Variants in TJP2 observed in about 807,000 individuals in gnomAD.
TJP2 encodes Friedreich ataxia region gene X104 (tight junction protein ZO-2).
In TJP2, 91 loss-of-function variants were observed where a neutral mutation model predicts 133.1. The observed-to-expected ratio is 0.68, with a 90% confidence interval of 0.58 to 0.81. The LOEUF (loss-of-function observed/expected upper bound fraction) is 0.81. Ranked by LOEUF, TJP2 falls within the 40% of genes least tolerant of loss-of-function variation. The probability of loss-of-function intolerance (pLI) is 0.00; values close to 1 mark genes in which losing one functional copy is unlikely to be tolerated. For synonymous variants in TJP2, 592 were observed against 583.4 expected (o/e 1.01, Z -0.21); for missense variants, 1,541 against 1,565.6 (o/e 0.98, Z 0.26).
chr9:69,177,955 G>A (rs1271063580), intron 1 of TJP2, among the ~76,000 whole-genome samples: 1 of 152,086 alleles, frequency 6.6e-6, no homozygotes, highest in Non-Finnish European at 1.5e-5. Flanking sequence ...TTAGAACTGG[G>A]TGACTGACAG....
At chr9:69,187,463 G>A (rs1352550838) in intron 1 of TJP2, among the ~76,000 whole-genome samples, 1 of 152,196 alleles carries the variant, frequency 6.6e-6, no homozygotes, top group Non-Finnish European at 1.5e-5. Context: ...GTTCCAATTT[G>A]AGATATACTG....
intron 1 of TJP2, among the ~76,000 whole-genome samples, chr9:69,207,047 C>G (rs1251963989): frequency 6.6e-6 from 1 of 152,178 alleles, no homozygotes; most frequent in Non-Finnish European, 1.5e-5. Context: ...CCATACTCTG[C>G]CTCCTGCCCA....
At chr9:69,185,845 A>G (rs893919085) in intron 1 of TJP2, among the ~76,000 whole-genome samples, 2 of 151,286 alleles carry the variant, frequency 1.3e-5, no homozygotes, top group Non-Finnish European at 2.9e-5. Flanking sequence ...GTCCTATTAT[A>G]AGTTTATTTT....
In TJP2 at chr9:69,203,058, A is replaced by G. The variant is rs1387242116; in HGVS notation, c.61-9490A>G. Among the ~76,000 whole-genome samples, 3 of 152,150 alleles carry G rather than the reference A, an allele frequency of 2.0e-5. 1 individual carries two copies. The highest frequency in any genetic ancestry group is 4.4e-5 in the Non-Finnish European group (3 of 68,022). On this transcript the variant is annotated intron_variant, in intron 1 of 22. Transcript: ENST00000377245. ...AGTATGCATGAACTTAAGGGAAAGA[A>G]GTATTTATTTCCTCATGAGGATAAG...
chr9:69,214,664 C>T (rs777268523), intron 2 of TJP2, among the ~76,000 whole-genome samples: 78 of 152,092 alleles, frequency 5.1e-4, no homozygotes, highest in Non-Finnish European at 9.1e-4. Context: ...GTCAGGAGAT[C>T]GAGACCATCC....
intron 1 of TJP2, among the ~76,000 whole-genome samples, chr9:69,175,404 C>T (rs987830078): frequency 3.6e-4 from 55 of 152,184 alleles, no homozygotes; most frequent in African/African-American, 1.3e-3. Flanking sequence ...GGTGTGCTGA[C>T]GGTCCTTTTG....
rs11548278 is a variant in TJP2 at position 69,255,007 on chromosome 9, A to G, written c.*633A>G. The G allele has an allele frequency of 0.025, 4,579 of 183,032 alleles. 195 individuals are homozygous for G. The highest frequency in any genetic ancestry group is 0.091 in the African/African-American group (3,897 of 42,746). 11.3% of individuals were successfully genotyped at this position (183,032 alleles called of 1,614,324 possible). On this transcript the variant is annotated 3_prime_UTR_variant, in exon 23 of 23. Coordinates refer to ENST00000377245, the MANE Select transcript of TJP2 (RefSeq NM_004817.4). The stretch of plus-strand genomic sequence containing the variant: ...TATTTTCCATAAATTTGGACTGTCT[A>G]TATCATAACTATACTTGATAGTTTG...
chr9:69,183,077 G>A (rs941117056), intron 1 of TJP2, among the ~76,000 whole-genome samples: 14 of 151,976 alleles, frequency 9.2e-5, no homozygotes, highest in African/African-American at 3.1e-4. Flanking sequence ...AATTACAGGC[G>A]TGAGCCATTG....
In TJP2 at chr9:69,163,035, T is replaced by A. The variant is rs369726285; in HGVS notation, c.-10+11264T>A. Among the ~76,000 whole-genome samples the A allele has an allele frequency of 7.7e-3, 750 of 97,050 alleles. 246 individuals are homozygous for A. The highest frequency in any genetic ancestry group is 0.024 in the East Asian group (65 of 2,720). The allele number at this position is 97,050 out of a possible 152,430, so 63.7% of individuals were successfully genotyped here. A position where few individuals can be genotyped will look rare whatever the true frequency, so the allele number is the denominator to read the frequency against. The stretch of plus-strand genomic sequence containing the variant: ...AAGTATCTTTATTTTATTTTATTTT[T>A]TTTTTTTTGAGACGGAGTCTCGCTC... On this transcript the variant is annotated intron_variant, in intron 2 of 5. Coordinates refer to the TJP2 transcript ENST00000423935.
rs750235320 is a variant in TJP2, at chr9:69,237,107, C to T, written c.2150C>T (p.Pro717Leu). ...GTTGTGTCTGTCAGCACCAAGTTCCCAGCTTATGAGAGGGTTTTGCTGCGA... is the reference window on the plus strand; with the variant it reads ...GTTGTGTCTGTCAGCACCAAGTTCCTAGCTTATGAGAGGGTTTTGCTGCGA... ...TAVVSVSTKF[P>L]AYERVLLREA... The change falls in exon 14 of 23, where the codon CCA becomes CTA. Residue 717 changes from proline (P) to leucine (L), a missense_variant. Pro to Leu is a moderately conservative substitution (Grantham distance 98). Coordinates refer to ENST00000377245, the MANE Select transcript of TJP2 (RefSeq NM_004817.4). 7 of 1,614,092 alleles carry T rather than the reference C, an allele frequency of 4.3e-6. No homozygotes were observed. The South Asian group carries it at 7.7e-5, about 18-fold the overall frequency.
At chr9:69,185,381 G>A (rs1259522358) in intron 1 of TJP2, among the ~76,000 whole-genome samples, 1 of 152,130 alleles carries the variant, frequency 6.6e-6, no homozygotes, top group African/African-American at 2.4e-5. Context: ...TTCTGTAACG[G>A]ATGTTCATTC....
intron 1 of TJP2, among the ~76,000 whole-genome samples, chr9:69,180,526 A>C (rs953117088): frequency 2.6e-5 from 4 of 152,098 alleles, no homozygotes; most frequent in African/African-American, 2.4e-5. Flanking sequence ...TCCGAGTTCT[A>C]GGTTGTGTTT....
At chr9:69,231,903 A>G (rs1345170175) in intron 11 of TJP2, among the ~76,000 whole-genome samples, 1 of 152,230 alleles carries the variant, frequency 6.6e-6, no homozygotes, top group Non-Finnish European at 1.5e-5. Flanking sequence ...AACTATTGTG[A>G]GGCCATAGGA....
At chr9:69,130,015 C>CAAAAAAAAAAAAAAAAAAAAAAAAA (rs11355311) in intron 1 of TJP2, among the ~76,000 whole-genome samples, 3 of 94,174 alleles carry the variant, frequency 3.2e-5, no homozygotes, top group Non-Finnish European at 4.3e-5. Flanking sequence ...AACTCTGCCT[C>CAAAAAAAAAAAAAAAAAAAAAAAAA]AAAAAAAAAA....
chr9:69,132,186 T>C (rs1438261584), intron 1 of TJP2, among the ~76,000 whole-genome samples: 1 of 152,234 alleles, frequency 6.6e-6, no homozygotes, highest in Non-Finnish European at 1.5e-5. Context: ...GTCCTCTGCC[T>C]ACCAGCTACC....
intron 2 of TJP2, among the ~76,000 whole-genome samples, chr9:69,159,938 A>G (rs1823983044): frequency 1.3e-5 from 2 of 150,154 alleles, no homozygotes; most frequent in African/African-American, 4.9e-5. Flanking sequence ...TTTTTTTCCT[A>G]GAGTGTGTAT....
At chr9:69,248,918 G>A (rs2133473123) in intron 19 of TJP2, 1 of 983,248 alleles carries the variant, frequency 1.0e-6, no homozygotes, top group Non-Finnish European at 1.2e-6. Context: ...TTTCTCTCTA[G>A]CATTTTAGCT....
At chr9:69,203,607 A>ATTTGTTTTTT (rs1827167385) in intron 1 of TJP2, among the ~76,000 whole-genome samples, 1 of 67,860 alleles carries the variant, frequency 1.5e-5, no homozygotes, top group Non-Finnish European at 2.5e-5. Flanking sequence ...CCCAGCCTGG[A>ATTTGTTTTTT]TTTTTTTTTT....
At chr9:69,181,311 C>T (rs940754735) in intron 1 of TJP2, among the ~76,000 whole-genome samples, 8 of 140,586 alleles carry the variant, frequency 5.7e-5, no homozygotes, top group African/African-American at 2.1e-4. Context: ...TGCAATGGCC[C>T]GATCTCAGCT....
Sources: allele counts gnomAD v4.1 joint callset (sites outside exome capture counted in the v4.1 genomes callset), GRCh38; gene constraint gnomAD v4.1.1; transcripts MANE v1.5; gene names NCBI Gene and HGNC (gene_info 2026-07-23, HGNC 2026-07-21).